The following PDE4B variants were observed in gnomAD, a reference collection of about 807,000 sequenced individuals.
The protein encoded by PDE4B is phosphodiesterase 4B.
PDE4B carries 20 observed loss-of-function variants against 82.2 expected under a neutral mutation model. That is an observed-to-expected ratio of 0.24 (90% CI 0.17 to 0.35). PDE4B has a LOEUF of 0.35. Ranked by LOEUF, PDE4B falls within the 10% of genes least tolerant of loss-of-function variation. The pLI is 1.00. For synonymous variants in PDE4B, 320 were observed against 318.9 expected, an observed-to-expected ratio of 1.00 and a Z score of -0.04; for missense variants, 655 against 907.2, an observed-to-expected ratio of 0.72 and a Z score of 3.57.
intron 3 of PDE4B, among the ~76,000 whole-genome samples, chr1:66,189,655 A>G (rs937506350): frequency 6.6e-6 from 1 of 152,120 alleles, no homozygotes; most frequent in African/African-American, 2.4e-5. Context: ...TTCGTCACGT[A>G]GTTCTCATGC....
At chr1:66,201,353 G>T (rs1292231679) in intron 3 of PDE4B, among the ~76,000 whole-genome samples, 1 of 151,984 alleles carries the variant, frequency 6.6e-6, no homozygotes, top group Non-Finnish European at 1.5e-5. Context: ...GGATGATGCT[G>T]GCCTCATAAA....
At chr1:66,170,537 G>T (rs72679122) in intron 3 of PDE4B, among the ~76,000 whole-genome samples, 73 of 152,182 alleles carry the variant, frequency 4.8e-4, no homozygotes, top group Middle Eastern at 3.4e-3. Flanking sequence ...GCTTTTCCCT[G>T]TTGGATTCTT....
In PDE4B at chr1:66,374,150, G is replaced by T. The variant is rs570315134; in HGVS notation, c.*1472G>T. The stretch of plus-strand genomic sequence containing the variant: ...ACAGATGATTCTTCTGAATGCTCCC[G>T]AACTACTGACTTTGAAGAGGTAGCC... On this transcript the variant is annotated 3_prime_UTR_variant, in exon 17 of 17. Transcript: ENST00000341517. 2 of 152,542 alleles carry T rather than the reference G, an allele frequency of 1.3e-5. No homozygotes were observed. Among genetic ancestry groups the T allele is most frequent in the Non-Finnish European group, 2.9e-5 (2 of 68,016 alleles). The allele number at this position is 152,542 out of a possible 1,614,324, so 9.4% of individuals were successfully genotyped here.
intron 3 of PDE4B, among the ~76,000 whole-genome samples, chr1:65,926,686 G>A (rs150937165): frequency 6.0e-4 from 91 of 152,078 alleles, no homozygotes; most frequent in African/African-American, 2.2e-3. Flanking sequence ...CTTTGTACTT[G>A]TAGGCCTACA....
At chr1:66,052,073 ATGT>A (rs1202928381) in intron 3 of PDE4B, among the ~76,000 whole-genome samples, 2 of 152,094 alleles carry the variant, frequency 1.3e-5, no homozygotes, top group Non-Finnish European at 2.9e-5. Context: ...CATCCCTTTC[ATGT>A]TGTTGAGTCC....
chr1:66,121,660 C>T (rs183013558), intron 3 of PDE4B, among the ~76,000 whole-genome samples: 6 of 152,222 alleles, frequency 3.9e-5, no homozygotes, highest in Non-Finnish European at 7.4e-5. Context: ...TTTCTTCATT[C>T]TTGTATGAGT....
chr1:65,855,196 G>A (rs1461055535), intron 1 of PDE4B, among the ~76,000 whole-genome samples: 10 of 150,238 alleles, frequency 6.7e-5, no homozygotes. Context: ...TTTCAGGGTT[G>A]GTTTTTATTG....
intron 7 of PDE4B, among the ~76,000 whole-genome samples, chr1:66,270,006 A>G (rs1655348040): frequency 6.6e-6 from 1 of 152,328 alleles, no homozygotes; most frequent in Non-Finnish European, 1.5e-5. Context: ...TACCACTGGT[A>G]ACAGATCAGA....
intron 7 of PDE4B, among the ~76,000 whole-genome samples, chr1:66,302,801 A>C (rs987707948): frequency 6.6e-6 from 1 of 152,160 alleles, no homozygotes; most frequent in Non-Finnish European, 1.5e-5. Flanking sequence ...TGCTGAGATG[A>C]TCGACAATTA....
rs4068855 is a variant in PDE4B, at chr1:66,096,508, T to TTATA, written c.282-150921_282-150918dup. ...TTAAATGCGGTATAAGTAAAAAAAA[T>TTATA]TATATATATATATATATATATATAT... is the stretch of plus-strand genomic sequence containing the variant. On this transcript the variant is annotated intron_variant, in intron 3 of 16. Coordinates refer to ENST00000341517, the MANE Select transcript of PDE4B (RefSeq NM_002600.4). 6.1e-3 allele frequency among the ~76,000 whole-genome samples: 656 copies of TTATA among 107,250 alleles called. 10 individuals are homozygous for TTATA. Among genetic ancestry groups the TTATA allele is most frequent in the African/African-American group, 0.013 (373 of 29,616 alleles). The allele number at this position is 107,250 out of a possible 152,430, so 70.4% of individuals were successfully genotyped here. A position where few individuals can be genotyped will look rare whatever the true frequency, so the allele number is the denominator to read the frequency against.
intron 1 of PDE4B, among the ~76,000 whole-genome samples, chr1:65,813,376 TAC>T (rs1472205854): frequency 6.6e-6 from 1 of 152,152 alleles, no homozygotes; most frequent in African/African-American, 2.4e-5. Context: ...AAGAAAAAGA[TAC>T]AGTTTTGCTG....
chr1:65,881,452 G>C (rs927368136), intron 1 of PDE4B, among the ~76,000 whole-genome samples: 1 of 152,148 alleles, frequency 6.6e-6, no homozygotes, highest in African/African-American at 2.4e-5. Flanking sequence ...CCTGCTTCCT[G>C]TCCTCACTTC....
chr1:66,304,733 A>G (rs1037449362), intron 7 of PDE4B, among the ~76,000 whole-genome samples: 2 of 152,162 alleles, frequency 1.3e-5, no homozygotes, highest in Non-Finnish European at 2.9e-5. Context: ...GAATGGGGAA[A>G]GCAGGGACAT....
At chr1:66,035,704 A>ATATATG (rs1442404889) in intron 3 of PDE4B, among the ~76,000 whole-genome samples, 1 of 152,162 alleles carries the variant, frequency 6.6e-6, no homozygotes, top group Non-Finnish European at 1.5e-5. Context: ...GTGTGTGTAT[A>ATATATG]TATATGTATA....
intron 7 of PDE4B, among the ~76,000 whole-genome samples, chr1:66,287,607 A>C (rs1656771191): frequency 6.6e-6 from 1 of 152,118 alleles, no homozygotes; most frequent in Admixed American, 6.6e-5. Context: ...CTGGCCTGGC[A>C]ATCATTAGCT....
chr1:66,276,517 A>G (rs528615668), intron 7 of PDE4B, among the ~76,000 whole-genome samples: 1 of 152,250 alleles, frequency 6.6e-6, no homozygotes, highest in Admixed American at 6.5e-5. Flanking sequence ...ACTACCAACA[A>G]CCTTAATAAT....
intron 3 of PDE4B, among the ~76,000 whole-genome samples, chr1:66,063,926 T>C (rs1655710669): frequency 6.6e-6 from 1 of 151,956 alleles, no homozygotes; most frequent in Non-Finnish European, 1.5e-5. Flanking sequence ...TCCTCTGAAA[T>C]GAACAGGTGC....
At chr1:66,334,490 A>C (rs1660358241) in intron 8 of PDE4B, among the ~76,000 whole-genome samples, 1 of 152,212 alleles carries the variant, frequency 6.6e-6, no homozygotes, top group African/African-American at 2.4e-5. Flanking sequence ...CCAATCCCTC[A>C]GGCTTCCGCT....
chr1:65,982,677 A>T (rs1385836913), intron 3 of PDE4B, among the ~76,000 whole-genome samples: 1 of 152,174 alleles, frequency 6.6e-6, no homozygotes, highest in African/African-American at 2.4e-5. Flanking sequence ...AGAGTTTTCT[A>T]TCAGCAGAAA....
Sources: allele counts gnomAD v4.1 joint callset (sites outside exome capture counted in the v4.1 genomes callset), GRCh38; gene constraint gnomAD v4.1.1; transcripts MANE v1.5; gene names NCBI Gene and HGNC (gene_info 2026-07-23, HGNC 2026-07-21).